The following TTC6 variants were observed in gnomAD, a reference collection of about 807,000 sequenced individuals.
TTC6 encodes the protein tetratricopeptide repeat domain 6, also known as tetratricopeptide repeat protein 6.
TTC6 carries 172 observed loss-of-function variants against 210.4 expected under a neutral mutation model. The ratio of observed to expected loss-of-function variants is 0.82; its 90% CI spans 0.72 to 0.93. The LOEUF is 0.93. Ranked by LOEUF, TTC6 falls within the 40% of genes least tolerant of loss-of-function variation. The pLI is 0.00. For missense variants in TTC6, 2,414 were observed against 2,318.1 expected (o/e 1.04, Z -0.85); for synonymous variants, 804 against 819.6 (o/e 0.98, Z 0.32).
intron 1 of TTC6, among the ~76,000 whole-genome samples, chr14:37,676,132 A>C (rs1369002321): frequency 6.6e-6 from 1 of 151,978 alleles, no homozygotes; most frequent in Non-Finnish European, 1.5e-5. Flanking sequence ...GAGAGGAAAA[A>C]ACTTGCTTTT....
chr14:37,686,392 G>A (rs1160658425), intron 3 of TTC6, among the ~76,000 whole-genome samples: 1 of 152,202 alleles, frequency 6.6e-6, no homozygotes, highest in African/African-American at 2.4e-5. Context: ...GTTTTGTAGA[G>A]GAGATTGTCG....
At chr14:37,622,883 C>T in exon 1 of TTC6, 1 of 1,535,102 alleles carries the variant, frequency 6.5e-7, no homozygotes, top group Non-Finnish European at 8.7e-7. Flanking sequence ...CCCGCGTGAT[C>T]CCCACGTCCA....
At chr14:37,740,251 G>A (rs1017088568) in intron 10 of TTC6, among the ~76,000 whole-genome samples, 4 of 151,716 alleles carry the variant, frequency 2.6e-5, no homozygotes, top group Admixed American at 1.3e-4. Flanking sequence ...TTACTTGAAA[G>A]TAATAGTAGC....
Position 37,804,671 on chromosome 14 carries a change from T to G in TTC6, c.4030-9T>G. The G allele has an allele frequency of 6.2e-7, 1 of 1,604,618 alleles. No homozygotes were observed. The highest frequency in any genetic ancestry group is 1.3e-5 in the African/African-American group (1 of 74,364). ...TTCTTGCCCCCTCCCTGCTTTTTTA[T>G]CATTATAGGAAGCTGTGGAAGTGCT... On this transcript the variant is annotated splice_polypyrimidine_tract_variant and intron_variant, in intron 20 of 30. Transcript: ENST00000553443.
chr14:37,796,838 A>T, exon 20 of TTC6: 1 of 1,609,806 alleles, frequency 6.2e-7, no homozygotes, highest in Non-Finnish European at 8.5e-7. Context: ...TCATTTTGTG[A>T]AAACCATGAC....
At position 37,703,290 on chromosome 14, in the gene TTC6, T is replaced by C. The variant is rs528333629; in HGVS notation, c.1571+1764T>C. Among the ~76,000 whole-genome samples the C allele has an allele frequency of 2.2e-4, 34 of 152,238 alleles. 1 individual carries two copies. Among genetic ancestry groups the C allele is most frequent in the South Asian group, 4.1e-4 (2 of 4,834 alleles). On this transcript the variant is annotated intron_variant, in intron 5 of 30. Coordinates refer to ENST00000553443, the Ensembl canonical transcript of TTC6. The stretch of plus-strand genomic sequence containing the variant: ...ATTTTTCTTCAAGTAGACCTCACTT[T>C]CTTTTTCCAAGAGTCAATAAATGTT...
At chr14:37,599,351 G>A (rs944017177) in intron 1 of TTC6, among the ~76,000 whole-genome samples, 3 of 152,198 alleles carry the variant, frequency 2.0e-5, no homozygotes, top group African/African-American at 7.2e-5. Context: ...CACTTGACGG[G>A]CCTTTGCAGG....
intron 1 of TTC6, among the ~76,000 whole-genome samples, chr14:37,596,338 C>G (rs1297420745): frequency 2.0e-5 from 3 of 152,288 alleles, no homozygotes; most frequent in Non-Finnish European, 4.4e-5. Flanking sequence ...ATCTGCACTG[C>G]GAAAGAGATG....
chr14:37,753,044 A>G, intron 13 of TTC6, 55 bp from the exon 16 acceptor site: 3 of 1,386,878 alleles, frequency 2.2e-6, no homozygotes, highest in East Asian at 2.5e-5. Flanking sequence ...ATGTGATTAT[A>G]TACTTCATTT....
chr14:37,723,356 T>TC (rs1034300057), intron 6 of TTC6, among the ~76,000 whole-genome samples: 2 of 152,146 alleles, frequency 1.3e-5, no homozygotes, highest in African/African-American at 4.8e-5. Flanking sequence ...TTGTCAGCTG[T>TC]CAAAGCAAGG....
At chr14:37,829,557 T>G (rs970664784) in intron 29 of TTC6, among the ~76,000 whole-genome samples, 4 of 152,086 alleles carry the variant, frequency 2.6e-5, no homozygotes, top group African/African-American at 7.2e-5. Flanking sequence ...AAAAAAAGTT[T>G]ATCCTCATAT....
intron 7 of TTC6, among the ~76,000 whole-genome samples, chr14:37,734,794 A>T (rs368028440): frequency 6.6e-6 from 1 of 152,154 alleles, no homozygotes; most frequent in East Asian, 1.9e-4. Context: ...GACAGTTTCC[A>T]AGGCTCCAGC....
chr14:37,721,847 C>CATATATACATATATATATAT (rs1186369830), intron 6 of TTC6, among the ~76,000 whole-genome samples: 10 of 117,266 alleles, frequency 8.5e-5, no homozygotes, highest in Middle Eastern at 4.3e-3. Context: ...TGAGTTTCAC[C>CATATATACATATATATATAT]ATATATATAT....
At chr14:37,718,181 G>C (rs1566907567) in intron 6 of TTC6, among the ~76,000 whole-genome samples, 1 of 152,132 alleles carries the variant, frequency 6.6e-6, no homozygotes, top group Non-Finnish European at 1.5e-5. Flanking sequence ...CAAATGTTAG[G>C]TCATAGAATT....
intron 16 of TTC6, among the ~76,000 whole-genome samples, chr14:37,791,316 G>A (rs2096078704): frequency 6.6e-6 from 1 of 152,168 alleles, no homozygotes; most frequent in Admixed American, 6.5e-5. Context: ...CTAATACCAT[G>A]TAGACCATAT....
chr14:37,790,847 C>T lies in TTC6; in HGVS notation c.3557+10C>T. The T allele has an allele frequency of 6.6e-7, 1 of 1,515,542 alleles. No homozygotes were observed. Among genetic ancestry groups the T allele is most frequent in the Non-Finnish European group, 8.8e-7 (1 of 1,141,512 alleles). 93.9% of individuals were successfully genotyped at this position (1,515,542 alleles called of 1,614,324 possible). On this transcript the variant is annotated intron_variant, in intron 16 of 30. Coordinates refer to ENST00000553443, the Ensembl canonical transcript of TTC6. ...TCATTTCTCTAGAAAGGTATGTTTT[C>T]CTTTTCATATTTATTGATTTCAGTT...
chr14:37,798,289 T>G lies in TTC6; in HGVS notation c.4029+1342T>G, dbSNP rs190252015. Among the ~76,000 whole-genome samples, 381 of 152,222 alleles carry G rather than the reference T, an allele frequency of 2.5e-3. 1 individual carries two copies. The highest frequency in any genetic ancestry group is 8.6e-3 in the African/African-American group (356 of 41,566). On this transcript the variant is annotated intron_variant, in intron 20 of 30. Transcript: ENST00000553443. ...ATGATCAGAATGATGTATTGCCCCA[T>G]TTATTTCACTTTTTCTTTTGAATAG... is the stretch of plus-strand genomic sequence containing the variant.
At chr14:37,645,889 A>G (rs549207952) in intron 1 of TTC6, among the ~76,000 whole-genome samples, 15 of 152,360 alleles carry the variant, frequency 9.8e-5, no homozygotes, top group African/African-American at 3.6e-4. Flanking sequence ...AGCAAAATTC[A>G]TAAATAATTA....
At chr14:37,604,668 C>T (rs924345363) in intron 1 of TTC6, among the ~76,000 whole-genome samples, 6 of 151,886 alleles carry the variant, frequency 4.0e-5, no homozygotes. Context: ...AGGAGGCACC[C>T]GGGAAGGAGA....
Sources: gnomAD v4.1 joint callset for allele counts (sites outside exome capture counted in the v4.1 genomes callset) on GRCh38, gnomAD v4.1.1 for gene constraint, MANE v1.5 for transcripts, NCBI Gene and HGNC (gene_info 2026-07-23, HGNC 2026-07-21) for gene names.